Variants in RUVBL2 observed in about 807,000 individuals in gnomAD.
The protein encoded by RUVBL2 is RuvB like AAA ATPase 2, also known as ruvB-like 2.
A neutral mutation model predicts 57.9 loss-of-function variants in RUVBL2; 9 were observed. The observed-to-expected ratio is 0.16, with a 90% confidence interval of 0.09 to 0.27. The LOEUF is 0.27. Ranked by LOEUF, RUVBL2 falls within the 10% of genes least tolerant of loss-of-function variation. The pLI, the probability that RUVBL2 is intolerant of heterozygous loss-of-function variation, is 1.00. For synonymous variants in RUVBL2, 278 were observed against 264.6 expected, an observed-to-expected ratio of 1.05 and a Z score of -0.49; for missense variants, 456 against 669.6, an observed-to-expected ratio of 0.68 and a Z score of 3.52.
chr19:49,001,890 G>A (rs769472016), intron 2 of RUVBL2, among the ~76,000 whole-genome samples: 16 of 151,902 alleles, frequency 1.1e-4, no homozygotes, highest in East Asian at 9.8e-4. Context: ...GATTACAGGC[G>A]TGAGCCACCA....
At chr19:49,001,741 G>C (rs2039187465) in intron 2 of RUVBL2, among the ~76,000 whole-genome samples, 1 of 151,528 alleles carries the variant, frequency 6.6e-6, no homozygotes, top group Admixed American at 6.6e-5. Flanking sequence ...CTTCCGAGTA[G>C]CTGGGACTAC....
At chr19:48,999,769 A>T (rs907637418) in intron 2 of RUVBL2, among the ~76,000 whole-genome samples, 11 of 152,286 alleles carry the variant, frequency 7.2e-5, no homozygotes, top group East Asian at 3.9e-4. Context: ...AGAGCAGATG[A>T]TCAAGAGATA....
In RUVBL2 at chr19:48,999,306, C is replaced by T; in HGVS notation, c.13-13C>T. On this transcript the variant is annotated splice_polypyrimidine_tract_variant and intron_variant, in intron 1 of 14. Transcript: ENST00000595090. The stretch of plus-strand genomic sequence containing the variant: ...CCACACTAGTCCTCTGACACATCTT[C>T]TTGCACCCCCAGACAGCCACAACCA... 6.2e-7 allele frequency: 1 copy of T among 1,614,194 alleles called. No individual in the cohort carries two copies. Among genetic ancestry groups the T allele is most frequent in the African/African-American group, 1.3e-5 (1 of 75,056 alleles).
At chr19:49,010,467 T>TGGGCCCC in intron 8 of RUVBL2, 21 bp from the exon 9 acceptor site, 6 of 1,401,166 alleles carry the variant, frequency 4.3e-6, no homozygotes, top group Non-Finnish European at 5.0e-6. Flanking sequence ...CCGCCGTTCT[T>TGGGCCCC]CCCCCACCCC....
At chr19:49,010,760 C>T (rs1230326371) in intron 9 of RUVBL2, 149 bp downstream of exon 9, 3 of 1,168,688 alleles carry the variant, frequency 2.6e-6, no homozygotes, top group Non-Finnish European at 3.6e-6. Flanking sequence ...TGTTCTCCAC[C>T]TGCAAGTCCG....
chr19:49,007,999 A>G (rs1374457807), intron 6 of RUVBL2, among the ~76,000 whole-genome samples: 5 of 133,648 alleles, frequency 3.7e-5, no homozygotes, highest in African/African-American at 8.6e-5. Flanking sequence ...GAGCCACCAT[A>G]CCTGGCCTCT....
intron 1 of RUVBL2, among the ~76,000 whole-genome samples, chr19:48,996,882 C>T (rs570737705): frequency 6.6e-6 from 1 of 151,876 alleles, no homozygotes; most frequent in African/African-American, 2.4e-5. Context: ...AGGCTGGTCT[C>T]GAACCCCTGA....
intron 4 of RUVBL2, among the ~76,000 whole-genome samples, chr19:49,005,159 C>G (rs2122611186): frequency 6.6e-6 from 1 of 152,330 alleles, no homozygotes; most frequent in South Asian, 2.1e-4. Flanking sequence ...ACTTCAGCAT[C>G]TCTGCCCCAT....
chr19:48,998,542 T>G (rs1344477982), intron 1 of RUVBL2, among the ~76,000 whole-genome samples: 1 of 149,174 alleles, frequency 6.7e-6, no homozygotes, highest in East Asian at 2.0e-4. Context: ...CCCATCTCTA[T>G]TAAAAATACA....
intron 2 of RUVBL2, among the ~76,000 whole-genome samples, chr19:49,000,916 G>C (rs961725096): frequency 6.6e-6 from 1 of 152,026 alleles, no homozygotes; most frequent in African/African-American, 2.4e-5. Context: ...CTAGCACTTT[G>C]AGAGGTGGAG....
chr19:49,006,020 G>C (rs920808732), intron 4 of RUVBL2, among the ~76,000 whole-genome samples: 9 of 152,228 alleles, frequency 5.9e-5, no homozygotes, highest in African/African-American at 2.2e-4. Context: ...GCCAAACCCT[G>C]TGCTGGGCAG....
chr19:48,995,986 C>CA (rs562564350), intron 1 of RUVBL2, among the ~76,000 whole-genome samples: 10,538 of 83,446 alleles, frequency 0.13, 436 homozygotes, highest in Middle Eastern at 0.16. Context: ...GGCTGTGTCT[C>CA]AAAAAAAAAA....
chr19:48,993,878 G>A, upstream of RUVBL2: 6 of 1,614,062 alleles, frequency 3.7e-6, no homozygotes, highest in Non-Finnish European at 5.1e-6. Context: ...GCGCGTTTCC[G>A]TTTCCGCTAG....
intron 1 of RUVBL2, among the ~76,000 whole-genome samples, chr19:48,997,312 C>A (rs536471581): frequency 6.6e-6 from 1 of 152,076 alleles, no homozygotes; most frequent in Non-Finnish European, 1.5e-5. Context: ...AGTTCATCCA[C>A]GTTGTAGCAT....
chr19:49,009,584 C>T (rs562213205), intron 6 of RUVBL2, among the ~76,000 whole-genome samples, 192 bp from the exon 7 acceptor site: 36 of 152,324 alleles, frequency 2.4e-4, no homozygotes, highest in East Asian at 7.7e-4. Flanking sequence ...CATGTTCAGC[C>T]GCGGAGCCAT....
rs1206689259 is a variant in RUVBL2 at position 49,015,569 on chromosome 19, C to T, written c.1252-3C>T. ...CAACTGAGGACTCGCCCTCCCCCTC[C>T]AGGGTACAGAAGTGCAGGTGGATGA... On this transcript the variant is annotated splice_polypyrimidine_tract_variant and splice_region_variant and intron_variant, in intron 13 of 14. Transcript: ENST00000595090. 2 of 1,611,762 alleles carry T rather than the reference C, an allele frequency of 1.2e-6. No individual in the cohort carries two copies. The highest frequency in any genetic ancestry group is 1.3e-5 in the African/African-American group (1 of 74,910).
rs2039422592 is a variant in RUVBL2, at chr19:49,011,286, T to C, written c.977T>C (p.Met326Thr). The change falls in exon 11 of 15, where the codon ATG (methionine) becomes ACG (threonine). Residue 326 changes from methionine to threonine, a missense_variant. Around this residue, in one of 5 missense-constraint regions of RUVBL2, gnomAD observed 130 missense variants for 243.0 expected, o/e 0.53. Coordinates refer to ENST00000595090, the MANE Select transcript of RUVBL2 (RefSeq NM_006666.3). The surrounding 1 kb of genome is among the most constrained non-coding windows in gnomAD (Gnocchi z 4.4). ...LESDMAPVLI[M>T]ATNRGITRIR... The stretch of plus-strand genomic sequence containing the variant: ...AGTGACATGGCGCCTGTCCTGATCA[T>C]GGCCACCAACCGTGGCATCACGCGG... 1.2e-6 allele frequency: 2 copies of C among 1,613,872 alleles called. No homozygotes were observed. Among genetic ancestry groups the C allele is most frequent in the East Asian group, 2.2e-5 (1 of 44,880 alleles).
chr19:49,014,587 C>G lies in RUVBL2; in HGVS notation c.1105C>G (p.Gln369Glu). 6.2e-7 allele frequency: 1 copy of G among 1,614,102 alleles called. No homozygotes were observed. Residue 369 changes from glutamine (Q) to glutamate (E), a missense_variant, in exon 12 of 15, where the codon CAG becomes GAG. Transcript: ENST00000595090. Reference protein sequence around the residue: ...TTPYSEKDTKQILRIRCEEED... With the variant: ...TTPYSEKDTKEILRIRCEEED... Reference sequence around the variant, plus strand: ...CCCCTACAGCGAGAAAGACACGAAGCAGATCCTCCGCATCCGGTGCGGGCA... The same window carrying G: ...CCCCTACAGCGAGAAAGACACGAAGGAGATCCTCCGCATCCGGTGCGGGCA...
intron 1 of RUVBL2, among the ~76,000 whole-genome samples, chr19:48,996,002 A>AG (rs2039051370): frequency 6.8e-6 from 1 of 146,762 alleles, no homozygotes; most frequent in Non-Finnish European, 1.5e-5. Flanking sequence ...AAAAAAAAAA[A>AG]GAAAAGAAAA....
Sources: gnomAD v4.1 joint callset for allele counts (sites outside exome capture counted in the v4.1 genomes callset) on GRCh38, gnomAD v4.1.1 for gene constraint, gnomAD v4.1.1 regional missense constraint, Gnocchi (gnomAD v3.1) non-coding constraint, MANE v1.5 for transcripts, NCBI Gene and HGNC (gene_info 2026-07-23, HGNC 2026-07-21) for gene names.